The following CLEC1A variants were observed in gnomAD, a reference collection of about 807,000 sequenced individuals.
CLEC1A encodes the protein C-type lectin-like receptor-1.
A neutral mutation model predicts 28.7 loss-of-function variants in CLEC1A; 34 were observed. The observed-to-expected ratio is 1.18, with a 90% CI of 0.90 to 1.57. The LOEUF is 1.57. Ranked by LOEUF, CLEC1A falls within the 40% of genes most tolerant of loss-of-function variation. CLEC1A has a pLI of 0.00. For synonymous variants in CLEC1A, 116 were observed against 121.0 expected (o/e 0.96, Z 0.27); for missense variants, 385 against 339.5 (o/e 1.13, Z -1.05).
chr12:10,094,695 T>C (rs1947753871), intron 1 of CLEC1A, among the ~76,000 whole-genome samples: 1 of 152,160 alleles, frequency 6.6e-6, no homozygotes, highest in Admixed American at 6.6e-5. Context: ...TGGCAGTGCA[T>C]CTGGAATCAT....
intron 1 of CLEC1A, among the ~76,000 whole-genome samples, chr12:10,092,207 T>C (rs916186426): frequency 6.6e-6 from 1 of 152,282 alleles, no homozygotes; most frequent in Admixed American, 6.5e-5. Flanking sequence ...TTTATCTCTT[T>C]ATAAATCTGT....
At chr12:10,071,815 T>G (rs1419742360) in intron 5 of CLEC1A, among the ~76,000 whole-genome samples, 1 of 152,230 alleles carries the variant, frequency 6.6e-6, no homozygotes, top group Non-Finnish European at 1.5e-5. Context: ...TAACTCAGTT[T>G]ACTTAACTGT....
chr12:10,077,635 G>A (rs948070001), intron 3 of CLEC1A, among the ~76,000 whole-genome samples: 1 of 152,018 alleles, frequency 6.6e-6, no homozygotes, highest in Non-Finnish European at 1.5e-5. Flanking sequence ...TGCAATAAAT[G>A]TTTATAGATA....
At chr12:10,085,216 C>CACAG (rs1866462471) in intron 2 of CLEC1A, among the ~76,000 whole-genome samples, 2 of 151,150 alleles carry the variant, frequency 1.3e-5, no homozygotes, top group Non-Finnish European at 1.5e-5. Flanking sequence ...CACACACACA[C>CACAG]ACACACACAC....
chr12:10,097,098 A>G (rs2137378643), intron 1 of CLEC1A, among the ~76,000 whole-genome samples: 1 of 152,300 alleles, frequency 6.6e-6, no homozygotes, highest in African/African-American at 2.4e-5. Flanking sequence ...TGAAAAATGT[A>G]TGAGGTTGTT....
At chr12:10,086,933 C>T (rs1001260220) in intron 2 of CLEC1A, among the ~76,000 whole-genome samples, 24 of 152,120 alleles carry the variant, frequency 1.6e-4, no homozygotes, top group Admixed American at 7.2e-4. Context: ...AGGCCTGGCA[C>T]GGTGGCTCAT....
chr12:10,094,002 T>A (rs990020532), intron 1 of CLEC1A, among the ~76,000 whole-genome samples: 2 of 152,144 alleles, frequency 1.3e-5, no homozygotes, highest in Non-Finnish European at 1.5e-5. Context: ...AAAATCTGTG[T>A]TATCCTTCCT....
At chr12:10,093,222 C>G (rs1213457998) in intron 1 of CLEC1A, among the ~76,000 whole-genome samples, 1 of 151,906 alleles carries the variant, frequency 6.6e-6, no homozygotes, top group Non-Finnish European at 1.5e-5. Context: ...AAATAAGATG[C>G]CTAGGAGGTC....
At chr12:10,094,481 G>A (rs1387140) in intron 1 of CLEC1A, among the ~76,000 whole-genome samples, 114,853 of 151,882 alleles carry the variant, frequency 0.76, 45,184 homozygotes, top group Non-Finnish European at 0.88. Context: ...GAGAGAAATA[G>A]TTATTAATAG....
At position 10,075,572 on chromosome 12, in the gene CLEC1A, C is replaced by T. The variant is rs1866233590; in HGVS notation, c.475G>A (p.Glu159Lys). 2 of 1,613,968 alleles carry T rather than the reference C, an allele frequency of 1.2e-6. No individual in the cohort carries two copies. The highest frequency in any genetic ancestry group is 2.2e-5 in the East Asian group (1 of 44,882). ...YQFYKDSKSWEDCKYFCLSEN... is the reference protein window; with the variant it reads ...YQFYKDSKSWKDCKYFCLSEN... Reference sequence around the variant, plus strand: ...CTAAGGCAGAAATATTTACAGTCCTCCCAACTTTTGCTGTCTTTATAGAAC... The same window carrying T: ...CTAAGGCAGAAATATTTACAGTCCTTCCAACTTTTGCTGTCTTTATAGAAC... Residue 159 changes from glutamate (E) to lysine (K), a missense_variant, in exon 4 of 6, where the codon GAG becomes AAG. By Grantham distance (56) the Glu-to-Lys change is moderately conservative. Coordinates refer to ENST00000315330, the MANE Select transcript of CLEC1A (RefSeq NM_016511.4).
rs778092254 is a variant in CLEC1A, at chr12:10,071,227, C to A, written c.*106G>T. ...ACACGAGAACCCATTTTGTACTAGT[C>A]AGAGAGATAGTCTTTCCTGATTATG... On this transcript the variant is annotated 3_prime_UTR_variant, in exon 6 of 6. Coordinates refer to ENST00000315330, the MANE Select transcript of CLEC1A (RefSeq NM_016511.4). 16 of 1,088,936 alleles carry A rather than the reference C, an allele frequency of 1.5e-5. No individual in the cohort carries two copies. The Admixed American group carries it at 1.5e-4, about 11-fold the overall frequency. The allele number at this position is 1,088,936 out of a possible 1,614,324, so 67.5% of individuals were successfully genotyped here.
Position 10,071,332 on chromosome 12 carries a change from A to G in CLEC1A, c.*1T>C. The G allele has an allele frequency of 6.2e-7, 1 of 1,612,826 alleles. No homozygotes were observed. Among genetic ancestry groups the G allele is most frequent in the Non-Finnish European group, 8.5e-7 (1 of 1,179,310 alleles). ...TGCTATTTGTAGTTGCAGAGGGCGA[A>G]TCAGTCACCTTCGCCTAATGTTTCA... is the stretch of plus-strand genomic sequence containing the variant. On this transcript the variant is annotated 3_prime_UTR_variant, in exon 6 of 6. Coordinates refer to ENST00000315330, the MANE Select transcript of CLEC1A (RefSeq NM_016511.4).
intron 1 of CLEC1A, among the ~76,000 whole-genome samples, chr12:10,095,402 T>C (rs1382322882): frequency 6.6e-6 from 1 of 152,142 alleles, no homozygotes; most frequent in African/African-American, 2.4e-5. Context: ...CTCCTCTTAC[T>C]GTACTGTTAA....
At position 10,085,196 on chromosome 12, in the gene CLEC1A, AACACACACACACACAC is replaced by A. The variant is rs144572464; in HGVS notation, c.215-3799_215-3784del. ...AATCTCACAGGACCTATAAGACAAT[AACACACACACACACAC>A]ACACACACACACACACACACACACA... On this transcript the variant is annotated intron_variant, in intron 2 of 5. Coordinates refer to ENST00000315330, the MANE Select transcript of CLEC1A (RefSeq NM_016511.4). Among the ~76,000 whole-genome samples the A allele has an allele frequency of 3.6e-4, 47 of 129,140 alleles. 1 individual carries two copies. Among genetic ancestry groups the A allele is most frequent in the Admixed American group, 1.8e-3 (23 of 12,486 alleles). The allele number at this position is 129,140 out of a possible 152,430, so 84.7% of individuals were successfully genotyped here.
intron 2 of CLEC1A, chr12:10,084,198 A>G (rs4265666): frequency 0.78 from 119,113 of 152,178 alleles, 47,979 homozygotes; most frequent in Middle Eastern, 0.88. Flanking sequence ...ATGTAAGGGC[A>G]ATCTGGCTGC....
At position 10,071,258 on chromosome 12, in the gene CLEC1A, T is replaced by C; in HGVS notation, c.*75A>G. The C allele has an allele frequency of 1.5e-6, 2 of 1,368,766 alleles. No individual in the cohort carries two copies. The highest frequency in any genetic ancestry group is 2.0e-6 in the Non-Finnish European group (2 of 990,744). 84.8% of individuals were successfully genotyped at this position (1,368,766 alleles called of 1,614,324 possible). On this transcript the variant is annotated 3_prime_UTR_variant, in exon 6 of 6. Transcript: ENST00000315330. Reference sequence around the variant, plus strand: ...GATAGTCTTTCCTGATTATGTTCCATTTCCCAATGTCTCAACTAGCCCTTG... The same window carrying C: ...GATAGTCTTTCCTGATTATGTTCCACTTCCCAATGTCTCAACTAGCCCTTG...
chr12:10,089,121 T>C lies in CLEC1A; in HGVS notation c.214+3A>G. On this transcript the variant is annotated splice_donor_region_variant and intron_variant, in intron 2 of 5. Coordinates refer to ENST00000315330, the MANE Select transcript of CLEC1A (RefSeq NM_016511.4). Reference sequence around the variant, plus strand: ...CCTCCCCCAGGTCAGAGCGCAGACTTACACAAAAGCCCCAGGGCTGCCAGC... The same window carrying C: ...CCTCCCCCAGGTCAGAGCGCAGACTCACACAAAAGCCCCAGGGCTGCCAGC... 1 of 1,612,396 alleles carries C rather than the reference T, an allele frequency of 6.2e-7. No homozygotes were observed. The highest frequency in any genetic ancestry group is 8.5e-7 in the Non-Finnish European group (1 of 1,178,488).
chr12:10,075,379 GC>G, intron 4 of CLEC1A, 124 bp downstream of exon 4: 1 of 920,632 alleles, frequency 1.1e-6, no homozygotes. Context: ...TAAGACTCAG[GC>G]CCTGATCGAA....
intron 2 of CLEC1A, among the ~76,000 whole-genome samples, chr12:10,087,141 G>T (rs1170146848): frequency 7.5e-5 from 11 of 146,752 alleles, no homozygotes; most frequent in South Asian, 2.2e-4. Context: ...GGAGGCGAAG[G>T]TTGCAGTGAG....
Sources: gnomAD v4.1 joint callset for allele counts (sites outside exome capture counted in the v4.1 genomes callset) on GRCh38, gnomAD v4.1.1 for gene constraint, MANE v1.5 for transcripts, NCBI Gene and HGNC (gene_info 2026-07-23, HGNC 2026-07-21) for gene names.